RIMS4: variants seen among roughly 807,000 people sequenced by gnomAD.
The protein encoded by RIMS4 is regulating synaptic membrane exocytosis protein 4.
RIMS4 carries 9 observed loss-of-function variants against 29.0 expected under a neutral mutation model. That is an observed-to-expected ratio of 0.31 (90% CI 0.19 to 0.54). The LOEUF is 0.54. RIMS4 is among the 20% of genes least tolerant of loss of function. RIMS4 has a pLI of 0.94. For missense variants in RIMS4, 193 were observed against 365.7 expected (o/e 0.53, Z 3.85); for synonymous variants, 130 against 152.9 (o/e 0.85, Z 1.10).
chr20:44,757,967 C>T, intron 3 of RIMS4, 105 bp downstream of exon 3: 5 of 1,004,862 alleles, frequency 5.0e-6, no homozygotes, highest in Admixed American at 2.0e-5. Context: ...GCGGCATGCG[C>T]AGAGGATGGA....
At chr20:44,757,615 A>C in intron 4 of RIMS4, 55 bp downstream of exon 4, 2 of 1,424,630 alleles carry the variant, frequency 1.4e-6, no homozygotes, top group Non-Finnish European at 2.0e-6. Flanking sequence ...AGTACCCATC[A>C]GGATATCCTC....
chr20:44,809,422 A>T (rs2066313083), intron 1 of RIMS4, among the ~76,000 whole-genome samples: 1 of 151,634 alleles, frequency 6.6e-6, no homozygotes, highest in Non-Finnish European at 1.5e-5. Flanking sequence ...TGGGAGGAGG[A>T]GGTTCAAGCC....
intron 1 of RIMS4, among the ~76,000 whole-genome samples, chr20:44,784,721 A>G (rs144613852): frequency 2.8e-4 from 42 of 152,328 alleles, no homozygotes; most frequent in African/African-American, 9.9e-4. Context: ...CAGTTTAAAC[A>G]AATCTCTTCC....
At chr20:44,761,631 C>T (rs1378046810) in intron 2 of RIMS4, among the ~76,000 whole-genome samples, 2 of 152,150 alleles carry the variant, frequency 1.3e-5, no homozygotes, top group East Asian at 1.9e-4. Context: ...ATGACGCATC[C>T]GTTATTAGCT....
chr20:44,758,907 A>G (rs1001660019), intron 2 of RIMS4, among the ~76,000 whole-genome samples: 6 of 152,180 alleles, frequency 3.9e-5, no homozygotes, highest in Admixed American at 2.0e-4. Flanking sequence ...AAATGACAGC[A>G]TTGTGTGAGC....
At chr20:44,793,057 G>A (rs116226447) in intron 1 of RIMS4, among the ~76,000 whole-genome samples, 2 of 152,194 alleles carry the variant, frequency 1.3e-5, no homozygotes, top group East Asian at 1.9e-4. Flanking sequence ...CACCAGGATG[G>A]GGGTAGGGAG....
chr20:44,804,051 T>C (rs766952050), intron 1 of RIMS4, among the ~76,000 whole-genome samples: 6 of 152,192 alleles, frequency 3.9e-5, no homozygotes, highest in Non-Finnish European at 8.8e-5. Flanking sequence ...AAGCAGAAGA[T>C]GGCCTAGAGT....
At chr20:44,781,514 G>A (rs1351690131) in intron 1 of RIMS4, among the ~76,000 whole-genome samples, 2 of 152,104 alleles carry the variant, frequency 1.3e-5, no homozygotes, top group Non-Finnish European at 2.9e-5. Context: ...AGGTTATACT[G>A]ACAAATAAAA....
At chr20:44,797,404 C>T (rs1568906322) in intron 1 of RIMS4, among the ~76,000 whole-genome samples, 1 of 152,246 alleles carries the variant, frequency 6.6e-6, no homozygotes, top group African/African-American at 2.4e-5. Flanking sequence ...CTGTGCTACA[C>T]TGTCTCCCCA....
At chr20:44,801,968 T>C (rs1209139546) in intron 1 of RIMS4, among the ~76,000 whole-genome samples, 2 of 152,164 alleles carry the variant, frequency 1.3e-5, no homozygotes, top group East Asian at 3.9e-4. Context: ...CCTGGATCAG[T>C]ACCATCCGAA....
chr20:44,772,544 C>T (rs1462265474), intron 1 of RIMS4, among the ~76,000 whole-genome samples: 3 of 152,174 alleles, frequency 2.0e-5, no homozygotes, highest in Admixed American at 6.5e-5. Flanking sequence ...ACAGGAGGCA[C>T]GGAGAGGTCA....
At chr20:44,778,153 A>T (rs572468065) in intron 1 of RIMS4, among the ~76,000 whole-genome samples, 1 of 152,192 alleles carries the variant, frequency 6.6e-6, no homozygotes, top group Non-Finnish European at 1.5e-5. Context: ...CAGAGCACTG[A>T]TGTTGCCTCT....
chr20:44,769,938 T>C (rs1040140068), intron 2 of RIMS4, among the ~76,000 whole-genome samples: 1 of 152,248 alleles, frequency 6.6e-6, no homozygotes, highest in East Asian at 1.9e-4. Context: ...TCTATGATGA[T>C]GGAAATGTTC....
chr20:44,767,881 T>G (rs2066120598), intron 2 of RIMS4, among the ~76,000 whole-genome samples: 2 of 152,218 alleles, frequency 1.3e-5, no homozygotes, highest in Non-Finnish European at 1.5e-5. Flanking sequence ...TACCTTAATG[T>G]GCATACAAAC....
intron 1 of RIMS4, among the ~76,000 whole-genome samples, chr20:44,809,869 G>C (rs543391879): frequency 1.9e-4 from 29 of 152,184 alleles, no homozygotes; most frequent in Admixed American, 3.9e-4. Flanking sequence ...GAGGGTGGCA[G>C]GTCGGCTCCA....
intron 2 of RIMS4, among the ~76,000 whole-genome samples, chr20:44,767,229 ATC>A (rs2066117674): frequency 6.6e-6 from 1 of 152,214 alleles, no homozygotes; most frequent in Non-Finnish European, 1.5e-5. Flanking sequence ...AATAGGGAGT[ATC>A]TCAGGATTAG....
chr20:44,762,959 T>C (rs1568895110), intron 2 of RIMS4, among the ~76,000 whole-genome samples: 1 of 152,256 alleles, frequency 6.6e-6, no homozygotes, highest in South Asian at 2.1e-4. Context: ...GGACAGTGTC[T>C]GGCCTTTTTG....
chr20:44,801,797 G>A (rs549335212), intron 1 of RIMS4, among the ~76,000 whole-genome samples: 2 of 152,218 alleles, frequency 1.3e-5, no homozygotes, highest in African/African-American at 4.8e-5. Context: ...TAGACTCTGT[G>A]ACAGAAACAA....
Position 44,810,280 on chromosome 20 carries a change from CGGCGCCGGGCGCCTCGGCCGCG to C in RIMS4, c.-31_-10del. 1 of 1,130,220 alleles carries C rather than the reference CGGCGCCGGGCGCCTCGGCCGCG, an allele frequency of 8.8e-7. No homozygotes were observed. The highest frequency in any genetic ancestry group is 1.1e-6 in the Non-Finnish European group (1 of 907,440). 70.0% of individuals were successfully genotyped at this position (1,130,220 alleles called of 1,614,324 possible). ...CTCTGCGAGCGCTCCATGCCCGCGC[CGGCGCCGGGCGCCTCGGCCGCG>C]GCGGCGGCGGCGGCGGCGGGCGGCT... On this transcript the variant is annotated 5_prime_UTR_variant, in exon 1 of 6. Transcript: ENST00000372851.
Sources: allele counts gnomAD v4.1 joint callset (sites outside exome capture counted in the v4.1 genomes callset), GRCh38; gene constraint gnomAD v4.1.1; transcripts MANE v1.5; gene names NCBI Gene and HGNC (gene_info 2026-07-23, HGNC 2026-07-21).